Variants in TMEM39A observed in about 807,000 individuals in gnomAD.
TMEM39A encodes suppressor of SQST-1 aggregates in rpl-43 mutants.
A neutral mutation model predicts 51.9 loss-of-function variants in TMEM39A; 19 were observed. The ratio of observed to expected loss-of-function variants is 0.37; its 90% CI spans 0.26 to 0.54. The LOEUF (loss-of-function observed/expected upper bound fraction) is 0.54, where lower values mean the gene tolerates loss of function less well. Ranked by LOEUF, TMEM39A falls within the 20% of genes least tolerant of loss-of-function variation. The probability of loss-of-function intolerance (pLI) is 0.88; values close to 1 mark genes in which losing one functional copy is unlikely to be tolerated. For missense variants in TMEM39A, 433 were observed against 590.5 expected (o/e 0.73, Z 2.76); for synonymous variants, 197 against 220.2 (o/e 0.89, Z 0.93).
chr3:119,456,050 A>G (rs918362598), intron 3 of TMEM39A, among the ~76,000 whole-genome samples: 8 of 152,238 alleles, frequency 5.3e-5, no homozygotes, highest in African/African-American at 1.9e-4. Flanking sequence ...TGGGAGTCAT[A>G]TAACGGTACC....
At chr3:119,434,730 C>T (rs2080946258) in intron 8 of TMEM39A, 32 bp downstream of exon 8, 1 of 1,611,872 alleles carries the variant, frequency 6.2e-7, no homozygotes, top group East Asian at 2.2e-5. Flanking sequence ...TACCCCTAAG[C>T]TTATGTTTGA....
chr3:119,455,607 T>C (rs1309408969), intron 3 of TMEM39A, among the ~76,000 whole-genome samples: 1 of 152,122 alleles, frequency 6.6e-6, no homozygotes, highest in African/African-American at 2.4e-5. Context: ...AGGCATCCAT[T>C]TTTGGTGGTA....
At chr3:119,439,125 G>A (rs868122043) in intron 5 of TMEM39A, among the ~76,000 whole-genome samples, 6 of 152,266 alleles carry the variant, frequency 3.9e-5, no homozygotes, top group Non-Finnish European at 7.4e-5. Flanking sequence ...GAACATTTTT[G>A]AGACTTCTGA....
At position 119,437,957 on chromosome 3, in the gene TMEM39A, A is replaced by G. The variant is rs774630110; in HGVS notation, c.722T>C (p.Leu241Pro). The change falls in exon 6 of 9, where the codon CTC becomes CCC. Residue 241 changes from leucine to proline, a missense_variant. Leu to Pro is a moderately conservative substitution (Grantham distance 98). Around this residue, in one of 3 missense-constraint regions of TMEM39A, gnomAD observed 223 missense variants for 328.1 expected, o/e 0.68. Transcript: ENST00000319172. ...VGGLAKSKDF[L>P]SLLLESLKEQ... Reference sequence around the variant, plus strand: ...TTTTAGCGACTCCAGCAACAAGGAGAGAAAGTCTTTGGATTTGGCCAAGCC... The same window carrying G: ...TTTTAGCGACTCCAGCAACAAGGAGGGAAAGTCTTTGGATTTGGCCAAGCC... The G allele has an allele frequency of 1.9e-6, 3 of 1,614,160 alleles. No individual in the cohort carries two copies. The highest frequency in any genetic ancestry group is 2.5e-6 in the Non-Finnish European group (3 of 1,180,018).
intron 5 of TMEM39A, among the ~76,000 whole-genome samples, chr3:119,441,250 G>C (rs971548134): frequency 6.6e-6 from 1 of 152,204 alleles, no homozygotes; most frequent in African/African-American, 2.4e-5. Context: ...TGGATATTAA[G>C]CTTAGTGAGA....
chr3:119,463,533 C>G lies in TMEM39A; in HGVS notation c.-272G>C, dbSNP rs1577070471. ...TGCCAGACTCAGACCCAGACTCCGACGCAGTTCCAGTGCCAGAGCTAAAGC... is the reference window on the plus strand; with the variant it reads ...TGCCAGACTCAGACCCAGACTCCGAGGCAGTTCCAGTGCCAGAGCTAAAGC... On this transcript the variant is annotated 5_prime_UTR_variant, in exon 1 of 9. Coordinates refer to ENST00000319172, the MANE Select transcript of TMEM39A (RefSeq NM_018266.3). 1 of 398,856 alleles carries G rather than the reference C, an allele frequency of 2.5e-6. No individual in the cohort carries two copies. Among genetic ancestry groups the G allele is most frequent in the Non-Finnish European group, 4.4e-6 (1 of 226,236 alleles). 24.7% of individuals were successfully genotyped at this position (398,856 alleles called of 1,614,324 possible). A position where few individuals can be genotyped will look rare whatever the true frequency, so the allele number is the denominator to read the frequency against.
rs899745025 is a variant in TMEM39A at position 119,463,471 on chromosome 3, G to A, written c.-210C>T. On this transcript the variant is annotated 5_prime_UTR_variant, in exon 1 of 9. Coordinates refer to ENST00000319172, the MANE Select transcript of TMEM39A (RefSeq NM_018266.3). ...AGCTGCTTGGACGCAGGCAGCCCCCGCCTAGAGAATCAAGAAAAGGTGTCC... is the reference window on the plus strand; with the variant it reads ...AGCTGCTTGGACGCAGGCAGCCCCCACCTAGAGAATCAAGAAAAGGTGTCC... 58 of 397,570 alleles carry A rather than the reference G, an allele frequency of 1.5e-4. No homozygotes were observed. Among genetic ancestry groups the A allele is most frequent in the African/African-American group, 1.1e-3 (55 of 48,602 alleles). 24.6% of individuals were successfully genotyped at this position (397,570 alleles called of 1,614,324 possible). A position where few individuals can be genotyped will look rare whatever the true frequency, so the allele number is the denominator to read the frequency against.
chr3:119,437,935 T>C lies in TMEM39A; in HGVS notation c.744A>G (p.Leu248=), dbSNP rs776658582. 10 of 1,614,008 alleles carry C rather than the reference T, an allele frequency of 6.2e-6. No individual in the cohort carries two copies. The African/African-American group carries it at 1.3e-4, about 22-fold the overall frequency. ...GTGTGGCATTATTAAACTGTTCTTT[T>C]AGCGACTCCAGCAACAAGGAGAGAA... is the stretch of plus-strand genomic sequence containing the variant. The part of the protein sequence containing the change: ...KDFLSLLLES[L]KEQFNNATPI... Residue 248 remains leucine (L), a synonymous_variant, in exon 6 of 9, where the codon CTA becomes CTG. Coordinates refer to ENST00000319172, the MANE Select transcript of TMEM39A (RefSeq NM_018266.3).
intron 8 of TMEM39A, among the ~76,000 whole-genome samples, chr3:119,434,204 G>A (rs1032365482): frequency 9.9e-5 from 15 of 152,104 alleles, no homozygotes; most frequent in South Asian, 2.1e-4. Flanking sequence ...GATCATAACC[G>A]AAGGCATGAG....
intron 5 of TMEM39A, 53 bp downstream of exon 5, chr3:119,446,964 AC>A: frequency 6.4e-7 from 1 of 1,560,594 alleles, no homozygotes; most frequent in Non-Finnish European, 8.7e-7. Flanking sequence ...CGTTTACGTG[AC>A]CGAAATAATT....
At chr3:119,454,391 C>T (rs569979616) in intron 3 of TMEM39A, among the ~76,000 whole-genome samples, 2 of 152,314 alleles carry the variant, frequency 1.3e-5, no homozygotes, top group Admixed American at 1.3e-4. Flanking sequence ...TGGGACTCCT[C>T]CTTGCCTACC....
intron 3 of TMEM39A, among the ~76,000 whole-genome samples, chr3:119,457,265 C>T (rs538903143): frequency 2.0e-5 from 3 of 152,236 alleles, no homozygotes; most frequent in Admixed American, 6.5e-5. Flanking sequence ...CCACCGCGCC[C>T]GGCCTATCAT....
chr3:119,455,042 A>T (rs2081247061), intron 3 of TMEM39A, among the ~76,000 whole-genome samples: 1 of 152,190 alleles, frequency 6.6e-6, no homozygotes, highest in African/African-American at 2.4e-5. Context: ...AGGTGTCCAC[A>T]TTTTCTTTTT....
rs865804940 is a variant in TMEM39A, at chr3:119,446,928, A to G, written c.575+90T>C. The G allele has an allele frequency of 5.1e-6, 7 of 1,368,628 alleles. No homozygotes were observed. In the South Asian group the frequency reaches 1.0e-4, roughly 20 times the overall value. 84.8% of individuals were successfully genotyped at this position (1,368,628 alleles called of 1,614,324 possible). A position where few individuals can be genotyped will look rare whatever the true frequency, so the allele number is the denominator to read the frequency against. On this transcript the variant is annotated intron_variant, in intron 5 of 8. Coordinates refer to ENST00000319172, the MANE Select transcript of TMEM39A (RefSeq NM_018266.3). ...TAAATGCTTCATTTATATTTGAAGA[A>G]TTTCATTTTTCACTCTTAAAAGTAT...
At chr3:119,440,875 G>A (rs542745552) in intron 5 of TMEM39A, among the ~76,000 whole-genome samples, 56 of 152,202 alleles carry the variant, frequency 3.7e-4, no homozygotes, top group African/African-American at 1.2e-3. Context: ...TGCATCAAGC[G>A]TATCTGGGGG....
At chr3:119,458,660 C>T (rs111230388) in intron 2 of TMEM39A, among the ~76,000 whole-genome samples, 2,960 of 152,000 alleles carry the variant, frequency 0.019, 79 homozygotes, top group African/African-American at 0.067. Context: ...TTTGGGAGGC[C>T]GAGGCGGGCG....
chr3:119,449,888 C>A (rs1043305514), intron 4 of TMEM39A, among the ~76,000 whole-genome samples: 1 of 152,134 alleles, frequency 6.6e-6, no homozygotes, highest in African/African-American at 2.4e-5. Context: ...CGGACTCTAC[C>A]TACGTGGAGA....
At chr3:119,449,622 G>GC (rs1420546030) in intron 4 of TMEM39A, among the ~76,000 whole-genome samples, 1 of 152,002 alleles carries the variant, frequency 6.6e-6, no homozygotes, top group Non-Finnish European at 1.5e-5. Context: ...AACTCTGTCT[G>GC]CCCCCCACCC....
rs1410522214 is a variant in TMEM39A at position 119,429,309 on chromosome 3, A to C, written c.*2672T>G. On this transcript the variant is annotated 3_prime_UTR_variant, in exon 9 of 9. Transcript: ENST00000319172. ...GGAATATAAACATGGAATCAGAGTA[A>C]ACAGGATATTGAGGAAAACTTCTGT... Among the ~76,000 whole-genome samples, 2 of 152,074 alleles carry C rather than the reference A, an allele frequency of 1.3e-5. No individual in the cohort carries two copies. The highest frequency in any genetic ancestry group is 4.8e-5 in the African/African-American group (2 of 41,404).
Sources: gnomAD v4.1 joint callset for allele counts (sites outside exome capture counted in the v4.1 genomes callset) on GRCh38, gnomAD v4.1.1 for gene constraint, gnomAD v4.1.1 regional missense constraint, MANE v1.5 for transcripts, NCBI Gene and HGNC (gene_info 2026-07-23, HGNC 2026-07-21) for gene names.